Variants in GLIS1 observed in about 807,000 individuals in gnomAD.
GLIS1 encodes GLIS family zinc finger 1.
GLIS1 carries 24 observed loss-of-function variants against 63.8 expected under a neutral mutation model. The ratio of observed to expected loss-of-function variants is 0.38; its 90% CI spans 0.27 to 0.53. The LOEUF (loss-of-function observed/expected upper bound fraction) is 0.53. Ranked by LOEUF, GLIS1 falls within the 20% of genes least tolerant of loss-of-function variation. The pLI is 0.85. For missense variants in GLIS1, 1,036 were observed against 1,074.1 expected, an observed-to-expected ratio of 0.96 and a Z score of 0.50; for synonymous variants, 450 against 482.5, an observed-to-expected ratio of 0.93 and a Z score of 0.88.
At chr1:53,537,264 ACCTTCCTCAGCAAG>A (rs1365794964) in intron 4 of GLIS1, among the ~76,000 whole-genome samples, 1 of 152,148 alleles carries the variant, frequency 6.6e-6, no homozygotes, top group African/African-American at 2.4e-5. Context: ...GGGTGGGTCC[ACCTTCCTCAGCAAG>A]CCACACTCAG....
chr1:53,564,660 A>G (rs1356204488), intron 4 of GLIS1, among the ~76,000 whole-genome samples: 1 of 152,140 alleles, frequency 6.6e-6, no homozygotes. Context: ...GTAGAAAAAG[A>G]TATACCATAC....
chr1:53,665,420 C>G (rs1646080632), intron 2 of GLIS1, among the ~76,000 whole-genome samples: 1 of 152,046 alleles, frequency 6.6e-6, no homozygotes, highest in Non-Finnish European at 1.5e-5. Flanking sequence ...AGGTGAGGTC[C>G]AAAATGGAAG....
chr1:53,551,907 G>A (rs547610610), intron 4 of GLIS1, among the ~76,000 whole-genome samples: 5 of 151,870 alleles, frequency 3.3e-5, no homozygotes, highest in East Asian at 1.9e-4. Context: ...TCCACACTTC[G>A]ACATACATGT....
intron 2 of GLIS1, among the ~76,000 whole-genome samples, chr1:53,635,848 C>G (rs1240968954): frequency 1.3e-5 from 2 of 152,090 alleles, no homozygotes; most frequent in Non-Finnish European, 2.9e-5. Context: ...GAAATGTACT[C>G]AAAATGGACA....
intron 2 of GLIS1, among the ~76,000 whole-genome samples, chr1:53,719,303 C>A (rs1557539749): frequency 6.6e-6 from 1 of 152,210 alleles, no homozygotes; most frequent in Non-Finnish European, 1.5e-5. Flanking sequence ...CCTCTTAGAG[C>A]CCTTCTCTCT....
At chr1:53,650,918 C>G (rs887617396) in intron 2 of GLIS1, among the ~76,000 whole-genome samples, 2 of 152,148 alleles carry the variant, frequency 1.3e-5, no homozygotes, top group Non-Finnish European at 1.5e-5. Context: ...TCTCAGGCAT[C>G]GAACACTGGC....
intron 8 of GLIS1, among the ~76,000 whole-genome samples, chr1:53,513,821 C>A (rs1445378000): frequency 1.3e-5 from 2 of 152,182 alleles, no homozygotes; most frequent in African/African-American, 4.8e-5. Flanking sequence ...ACAAATGTGG[C>A]GATGAAGCCA....
chr1:53,629,505 C>T (rs1299728627), intron 2 of GLIS1, among the ~76,000 whole-genome samples: 2 of 152,206 alleles, frequency 1.3e-5, no homozygotes, highest in Non-Finnish European at 2.9e-5. Flanking sequence ...GAGAACAGGA[C>T]TTGATCCAAA....
intron 8 of GLIS1, among the ~76,000 whole-genome samples, chr1:53,512,368 G>GA (rs1482530468): frequency 6.6e-6 from 1 of 151,838 alleles, no homozygotes; most frequent in African/African-American, 2.4e-5. Flanking sequence ...ACAAGGCTGG[G>GA]AAAAAAAATA....
chr1:53,613,610 C>G (rs983657207), intron 2 of GLIS1, among the ~76,000 whole-genome samples: 17 of 151,420 alleles, frequency 1.1e-4, no homozygotes, highest in African/African-American at 4.1e-4. Context: ...ATTAAACATG[C>G]AGAGCTGTGT....
At chr1:53,728,626 G>A (rs1364411477) in intron 2 of GLIS1, among the ~76,000 whole-genome samples, 1 of 152,026 alleles carries the variant, frequency 6.6e-6, no homozygotes, top group Non-Finnish European at 1.5e-5. Context: ...ACTTTGTGCT[G>A]GACACAAGAA....
At chr1:53,509,556 C>T (rs1481554131) in intron 9 of GLIS1, among the ~76,000 whole-genome samples, 1 of 152,144 alleles carries the variant, frequency 6.6e-6, no homozygotes, top group Non-Finnish European at 1.5e-5. Context: ...ATGCCTACTC[C>T]CTCCACTCTC....
chr1:53,647,684 T>A (rs1190709619), intron 2 of GLIS1, among the ~76,000 whole-genome samples: 1 of 152,106 alleles, frequency 6.6e-6, no homozygotes, highest in Non-Finnish European at 1.5e-5. Context: ...TTCACAAAGA[T>A]TTCTTAAACA....
chr1:53,568,066 G>A (rs942625580), intron 4 of GLIS1, among the ~76,000 whole-genome samples: 12 of 152,216 alleles, frequency 7.9e-5, no homozygotes, highest in Non-Finnish European at 5.9e-5. Context: ...ATGTGCCTGG[G>A]AAAGCCACAG....
intron 5 of GLIS1, among the ~76,000 whole-genome samples, chr1:53,529,521 C>G (rs534856996): frequency 6.6e-6 from 1 of 152,206 alleles, no homozygotes; most frequent in African/African-American, 2.4e-5. Flanking sequence ...GGTTTGCCTC[C>G]CCTCACCCCC....
chr1:53,548,687 G>A (rs1557444066), intron 4 of GLIS1, among the ~76,000 whole-genome samples: 1 of 152,198 alleles, frequency 6.6e-6, no homozygotes, highest in Non-Finnish European at 1.5e-5. Context: ...GCGTGGGCCA[G>A]ATTTTCTGGC....
intron 2 of GLIS1, among the ~76,000 whole-genome samples, chr1:53,714,170 C>T (rs963360368): frequency 3.3e-5 from 5 of 152,208 alleles, no homozygotes; most frequent in Non-Finnish European, 5.9e-5. Context: ...CCTAAGAAAT[C>T]AGAGGAACCA....
intron 2 of GLIS1, among the ~76,000 whole-genome samples, chr1:53,609,254 T>G (rs1196372903): frequency 1.3e-5 from 2 of 150,086 alleles, no homozygotes; most frequent in East Asian, 3.9e-4. Context: ...ATTTGGGTAT[T>G]TGGGTTTAAA....
At chr1:53,577,702 C>T (rs1168809927) in intron 4 of GLIS1, among the ~76,000 whole-genome samples, 2 of 152,146 alleles carry the variant, frequency 1.3e-5, no homozygotes. Flanking sequence ...CCCTGGAGGA[C>T]CTGGGATCCT....
Sources: allele counts gnomAD v4.1 joint callset (sites outside exome capture counted in the v4.1 genomes callset), GRCh38; gene constraint gnomAD v4.1.1; transcripts MANE v1.5; gene names NCBI Gene and HGNC (gene_info 2026-07-23, HGNC 2026-07-21).